PXDNL: variants seen among roughly 807,000 people sequenced by gnomAD.
The protein encoded by PXDNL is peroxidasin like.
A neutral mutation model predicts 150.8 loss-of-function variants in PXDNL; 145 were observed. That is an observed-to-expected ratio of 0.96 (90% CI 0.84 to 1.10). The LOEUF is 1.10. Ranked by LOEUF, PXDNL falls within the 50% of genes least tolerant of loss-of-function variation. PXDNL has a pLI of 0.00. For synonymous variants in PXDNL, 757 were observed against 725.7 expected (o/e 1.04, Z -0.69); for missense variants, 2,087 against 1,873.9 (o/e 1.11, Z -2.10).
At chr8:51,715,420 G>A (rs778977611) in intron 1 of PXDNL, among the ~76,000 whole-genome samples, 48 of 152,282 alleles carry the variant, frequency 3.2e-4, no homozygotes, top group Middle Eastern at 6.8e-3. Context: ...CACCACACAC[G>A]ATTTTAATCA....
At chr8:51,629,391 T>C (rs1814440384) in intron 2 of PXDNL, among the ~76,000 whole-genome samples, 1 of 151,028 alleles carries the variant, frequency 6.6e-6, no homozygotes, top group Non-Finnish European at 1.5e-5. Context: ...GTAAAAAGAA[T>C]GAAGAAAAAT....
rs138309081 is a variant in PXDNL, at chr8:51,350,647, G to T, written c.3902-4700C>A. On this transcript the variant is annotated intron_variant, in intron 19 of 22. Coordinates refer to ENST00000356297, the MANE Select transcript of PXDNL (RefSeq NM_144651.5). ...TGGGATTACAGGTGTGAGCCATCGC[G>T]CCCAGCCGCAAATGCAGCTTCTACC... is the stretch of plus-strand genomic sequence containing the variant. Among the ~76,000 whole-genome samples, 912 of 152,012 alleles carry T rather than the reference G, an allele frequency of 6.0e-3. 5 individuals carry two copies. The highest frequency in any genetic ancestry group is 9.5e-3 in the Non-Finnish European group (644 of 67,986).
At chr8:51,762,067 C>T (rs11780891) in intron 1 of PXDNL, among the ~76,000 whole-genome samples, 17,117 of 152,132 alleles carry the variant, frequency 0.11, 1,155 homozygotes, top group Middle Eastern at 0.15. Flanking sequence ...TGTATAACTT[C>T]AAAGGCATAC....
Position 51,408,318 on chromosome 8 carries a change from C to T in PXDNL, c.3306G>A (p.Arg1102=), listed in dbSNP as rs1368008950. ...ATTTAGCAGCCACGCCAAACAGCCC[C>T]CGGAGAACCGGGTCTATCCCACCTT... ...IKEGGIDPVL[R]GLFGVAAKWR... The change falls in exon 17 of 23, where the codon CGG becomes CGA. Residue 1102 remains arginine (R), a synonymous_variant. Transcript: ENST00000356297. 6.2e-7 allele frequency: 1 copy of T among 1,614,006 alleles called. No individual in the cohort carries two copies. The highest frequency in any genetic ancestry group is 1.3e-5 in the African/African-American group (1 of 75,054).
In PXDNL at chr8:51,500,473, T is replaced by C. The variant is rs931854203; in HGVS notation, c.381-703A>G. 2.0e-5 allele frequency among the ~76,000 whole-genome samples: 3 copies of C among 152,338 alleles called. No individual in the cohort carries two copies. The East Asian group carries it at 5.8e-4, about 29-fold the overall frequency. On this transcript the variant is annotated intron_variant, in intron 4 of 22. Transcript: ENST00000356297. Reference sequence around the variant, plus strand: ...AATCCTGTGATGAAATGGAGAAGCATGTTTCCAAAGCAGACAGTTGAGCAG... The same window carrying C: ...AATCCTGTGATGAAATGGAGAAGCACGTTTCCAAAGCAGACAGTTGAGCAG...
rs904671673 is a variant in PXDNL, at chr8:51,506,476, G to A, written c.381-6706C>T. Among the ~76,000 whole-genome samples, 20 of 138,952 alleles carry A rather than the reference G, an allele frequency of 1.4e-4. No homozygotes were observed. The Admixed American group carries it at 1.5e-3, about 10-fold the overall frequency. The allele number at this position is 138,952 out of a possible 152,430, so 91.2% of individuals were successfully genotyped here. Reference sequence around the variant, plus strand: ...GAATCGCTTGAACCAGGGATTCGGAGGTTGCAGTGAGCCGAGATCGCACCA... The same window carrying A: ...GAATCGCTTGAACCAGGGATTCGGAAGTTGCAGTGAGCCGAGATCGCACCA... On this transcript the variant is annotated intron_variant, in intron 4 of 22. Coordinates refer to ENST00000356297, the MANE Select transcript of PXDNL (RefSeq NM_144651.5).
intron 8 of PXDNL, among the ~76,000 whole-genome samples, chr8:51,461,836 G>A (rs1056878026): frequency 1.3e-5 from 2 of 152,140 alleles, no homozygotes; most frequent in African/African-American, 4.8e-5. Flanking sequence ...CTCACTTCCT[G>A]TCTCCCCCAC....
At chr8:51,507,219 G>A (rs1811315256) in intron 4 of PXDNL, among the ~76,000 whole-genome samples, 1 of 152,166 alleles carries the variant, frequency 6.6e-6, no homozygotes, top group African/African-American at 2.4e-5. Flanking sequence ...GGAATACCAT[G>A]AGAATCCAAA....
At chr8:51,478,664 G>A (rs1810534330) in intron 6 of PXDNL, among the ~76,000 whole-genome samples, 1 of 152,156 alleles carries the variant, frequency 6.6e-6, no homozygotes, top group Non-Finnish European at 1.5e-5. Flanking sequence ...ATTCCCGCTG[G>A]TTTCTCTGCC....
intron 21 of PXDNL, among the ~76,000 whole-genome samples, chr8:51,323,055 T>C (rs142139226): frequency 3.9e-4 from 60 of 152,282 alleles, no homozygotes; most frequent in Middle Eastern, 3.4e-3. Context: ...TAATCCATTC[T>C]TGAGTGGGGT....
intron 1 of PXDNL, among the ~76,000 whole-genome samples, chr8:51,783,522 T>C (rs917228289): frequency 1.3e-5 from 2 of 152,200 alleles, no homozygotes; most frequent in African/African-American, 4.8e-5. Flanking sequence ...CCCAGCAGTA[T>C]AGGAGATGGA....
At chr8:51,361,885 C>T (rs1448896858) in intron 19 of PXDNL, among the ~76,000 whole-genome samples, 2 of 134,060 alleles carry the variant, frequency 1.5e-5, no homozygotes, top group East Asian at 2.4e-4. Flanking sequence ...TTACTTGAAC[C>T]GCAGGTCTTG....
intron 1 of PXDNL, among the ~76,000 whole-genome samples, chr8:51,735,705 C>T (rs1046907410): frequency 8.1e-5 from 12 of 147,744 alleles, no homozygotes; most frequent in African/African-American, 3.0e-4. Context: ...CGCCACTACG[C>T]CCGGCTAATT....
intron 20 of PXDNL, among the ~76,000 whole-genome samples, chr8:51,345,306 A>G (rs1806114739): frequency 1.3e-5 from 2 of 152,184 alleles, no homozygotes; most frequent in South Asian, 2.1e-4. Context: ...ACTTTGTATC[A>G]AGCTAATATA....
intron 3 of PXDNL, among the ~76,000 whole-genome samples, chr8:51,560,970 G>A (rs947987148): frequency 4.0e-5 from 6 of 151,110 alleles, no homozygotes; most frequent in Non-Finnish European, 8.9e-5. Context: ...AATGGGTAAA[G>A]GACTTTAATA....
intron 19 of PXDNL, among the ~76,000 whole-genome samples, chr8:51,356,575 T>G (rs1050761456): frequency 6.6e-6 from 1 of 152,050 alleles, no homozygotes; most frequent in African/African-American, 2.4e-5. Flanking sequence ...TGAAATGTTC[T>G]GTAAAGTATG....
chr8:51,662,389 G>T (rs1207664365), intron 1 of PXDNL, among the ~76,000 whole-genome samples: 2 of 151,924 alleles, frequency 1.3e-5, no homozygotes, highest in African/African-American at 4.8e-5. Context: ...ATGGTGGCAG[G>T]CCCCTGTAGT....
At chr8:51,771,778 A>T (rs2037297903) in intron 1 of PXDNL, among the ~76,000 whole-genome samples, 1 of 152,178 alleles carries the variant, frequency 6.6e-6, no homozygotes, top group Non-Finnish European at 1.5e-5. Context: ...TTCTACCTGG[A>T]AGCAGCTAAG....
intron 8 of PXDNL, among the ~76,000 whole-genome samples, chr8:51,465,548 T>C (rs1173580866): frequency 6.6e-6 from 1 of 152,184 alleles, no homozygotes; most frequent in African/African-American, 2.4e-5. Flanking sequence ...CTGGAAGTCC[T>C]AGCCAGAGCA....
Sources: allele counts gnomAD v4.1 joint callset (sites outside exome capture counted in the v4.1 genomes callset), GRCh38; gene constraint gnomAD v4.1.1; transcripts MANE v1.5; gene names NCBI Gene and HGNC (gene_info 2026-07-23, HGNC 2026-07-21).